Variants in ROBO1 observed in about 807,000 individuals in gnomAD.
ROBO1 encodes roundabout guidance receptor 1, also known as roundabout homolog 1.
In ROBO1, 149 loss-of-function variants were observed where a neutral mutation model predicts 195.9. That is an observed-to-expected ratio of 0.76 (90% CI 0.67 to 0.87). ROBO1 has a LOEUF of 0.87. Ranked by LOEUF, ROBO1 falls within the 40% of genes least tolerant of loss-of-function variation. The probability of loss-of-function intolerance (pLI) is 0.00; values close to 1 mark genes in which losing one functional copy is unlikely to be tolerated. For synonymous variants in ROBO1, 816 were observed against 733.2 expected (o/e 1.11, Z -1.82); for missense variants, 1,933 against 2,068.3 (o/e 0.93, Z 1.27).
chr3:79,076,351 C>T (rs1014714166), intron 3 of ROBO1, among the ~76,000 whole-genome samples: 15 of 148,962 alleles, frequency 1.0e-4, no homozygotes, highest in Non-Finnish European at 1.9e-4. Context: ...GAAGAAATTA[C>T]CATTAAATAC....
rs111559048 is a variant in ROBO1 at position 78,629,109 on chromosome 3, C to A, written c.3627-1540G>T. ...GTCTCAGCTTCGTCTCGTTCCCTAC[C>A]GTGTGTTTCATGTTAGTTTTCCAGG... On this transcript the variant is annotated intron_variant, in intron 25 of 30. Transcript: ENST00000464233. Among the ~76,000 whole-genome samples, 11 of 152,118 alleles carry A rather than the reference C, an allele frequency of 7.2e-5. 1 individual carries two copies. Among genetic ancestry groups the A allele is most frequent in the African/African-American group, 2.6e-4 (11 of 41,522 alleles).
chr3:79,452,398 G>A (rs1036615135), intron 2 of ROBO1, among the ~76,000 whole-genome samples: 1 of 151,978 alleles, frequency 6.6e-6, no homozygotes, highest in Non-Finnish European at 1.5e-5. Context: ...TTATCTCCTA[G>A]AATGTGCCAT....
chr3:79,210,705 T>A (rs2081953387), intron 2 of ROBO1, among the ~76,000 whole-genome samples: 1 of 151,650 alleles, frequency 6.6e-6, no homozygotes, highest in East Asian at 1.9e-4. Flanking sequence ...AAGCTAAGAT[T>A]TTTTTTTTGA....
chr3:79,425,714 C>T (rs2038419585), intron 2 of ROBO1, among the ~76,000 whole-genome samples: 1 of 151,872 alleles, frequency 6.6e-6, no homozygotes, highest in Admixed American at 6.6e-5. Context: ...CACACATACA[C>T]ACACACACAC....
chr3:79,528,086 CT>C lies in ROBO1; in HGVS notation c.88+61737del, dbSNP rs1941508722. On this transcript the variant is annotated intron_variant, in intron 2 of 30. Coordinates refer to ENST00000464233, the MANE Select transcript of ROBO1 (RefSeq NM_002941.4). ...TGGTAGAGAATTAAATTATATGGCT[CT>C]TTTCATCACCACATATGAATACACG... is the stretch of plus-strand genomic sequence containing the variant. Among the ~76,000 whole-genome samples the C allele has an allele frequency of 3.0e-5, 3 of 99,238 alleles. No individual in the cohort carries two copies. The South Asian group carries it at 8.7e-4, about 29-fold the overall frequency. The allele number at this position is 99,238 out of a possible 152,430, so 65.1% of individuals were successfully genotyped here.
intron 1 of ROBO1, among the ~76,000 whole-genome samples, chr3:79,648,155 C>G (rs1945889843): frequency 6.6e-6 from 1 of 152,026 alleles, no homozygotes; most frequent in South Asian, 2.1e-4. Flanking sequence ...TCCGGGCTAA[C>G]CCACAGTGAA....
chr3:79,575,511 AAT>A (rs1181494906), intron 2 of ROBO1, among the ~76,000 whole-genome samples: 11 of 119,380 alleles, frequency 9.2e-5, no homozygotes, highest in South Asian at 5.0e-4. Flanking sequence ...ATATATAACA[AAT>A]ATATATAAAT....
intron 3 of ROBO1, among the ~76,000 whole-genome samples, chr3:79,002,535 T>C (rs1014513458): frequency 3.3e-5 from 5 of 152,198 alleles, no homozygotes; most frequent in African/African-American, 7.2e-5. Context: ...TCACCAGTGA[T>C]AGTGTCAAAA....
intron 3 of ROBO1, among the ~76,000 whole-genome samples, chr3:79,024,901 T>G (rs1339820105): frequency 6.6e-6 from 1 of 152,124 alleles, no homozygotes; most frequent in Admixed American, 6.6e-5. Context: ...ACTTCTAAGC[T>G]TTTCTTCATA....
chr3:79,493,393 T>C (rs1490672196), intron 2 of ROBO1, among the ~76,000 whole-genome samples: 1 of 151,992 alleles, frequency 6.6e-6, no homozygotes, highest in Non-Finnish European at 1.5e-5. Flanking sequence ...AGGTATTAAC[T>C]AAAATTAAAA....
intron 1 of ROBO1, among the ~76,000 whole-genome samples, chr3:79,760,497 C>CAAAA (rs71631676): frequency 2.4e-4 from 27 of 114,848 alleles, no homozygotes; most frequent in African/African-American, 7.7e-4. Context: ...AATGCAATAC[C>CAAAA]AAAAAAAAAA....
intron 2 of ROBO1, among the ~76,000 whole-genome samples, chr3:79,464,986 C>T (rs1937877357): frequency 6.6e-6 from 1 of 152,100 alleles, no homozygotes; most frequent in South Asian, 2.1e-4. Context: ...AGAGAGGGCC[C>T]TAATCCTTAA....
intron 4 of ROBO1, among the ~76,000 whole-genome samples, chr3:78,929,285 C>A (rs1207807206): frequency 1.6e-4 from 25 of 151,932 alleles, no homozygotes; most frequent in Admixed American, 1.6e-3. Context: ...AAATTAGGCC[C>A]CAGATAACCA....
chr3:79,618,284 G>A (rs904645564), intron 1 of ROBO1, among the ~76,000 whole-genome samples: 2 of 152,134 alleles, frequency 1.3e-5, no homozygotes, highest in Non-Finnish European at 2.9e-5. Flanking sequence ...TAACAACTGG[G>A]AGAAACTCTA....
At chr3:78,972,791 A>G (rs2076797251) in intron 3 of ROBO1, among the ~76,000 whole-genome samples, 1 of 152,108 alleles carries the variant, frequency 6.6e-6, no homozygotes, top group Non-Finnish European at 1.5e-5. Context: ...AGTGGTAAGC[A>G]AAGGCCTCAG....
chr3:79,123,698 T>C (rs974847937), intron 3 of ROBO1, among the ~76,000 whole-genome samples: 1 of 152,012 alleles, frequency 6.6e-6, no homozygotes, highest in African/African-American at 2.4e-5. Flanking sequence ...TGTCTTTCAG[T>C]CACTTTGCAT....
At chr3:78,715,569 C>A (rs891984056) in intron 7 of ROBO1, among the ~76,000 whole-genome samples, 2 of 152,128 alleles carry the variant, frequency 1.3e-5, no homozygotes, top group Non-Finnish European at 2.9e-5. Flanking sequence ...TCACACTCTG[C>A]CGCTCAGGCT....
chr3:78,769,833 G>T (rs979818550), intron 4 of ROBO1, among the ~76,000 whole-genome samples: 24 of 152,134 alleles, frequency 1.6e-4, no homozygotes, highest in African/African-American at 5.8e-4. Context: ...CTTCATACAT[G>T]ATGCTTGGTT....
chr3:79,367,556 C>T (rs1271757742), intron 2 of ROBO1, among the ~76,000 whole-genome samples: 1 of 152,132 alleles, frequency 6.6e-6, no homozygotes, highest in South Asian at 2.1e-4. Flanking sequence ...ACCCATCGTT[C>T]GTTAAAATGT....
Sources: gnomAD v4.1 joint callset for allele counts (sites outside exome capture counted in the v4.1 genomes callset) on GRCh38, gnomAD v4.1.1 for gene constraint, MANE v1.5 for transcripts, NCBI Gene and HGNC (gene_info 2026-07-23, HGNC 2026-07-21) for gene names.